Variants in LRRFIP1 observed in about 807,000 individuals in gnomAD.
LRRFIP1 encodes the protein LRR binding FLII interacting protein 1.
A neutral mutation model predicts 104.4 loss-of-function variants in LRRFIP1; 62 were observed. The observed-to-expected ratio is 0.59, with a 90% CI of 0.48 to 0.73. The LOEUF (loss-of-function observed/expected upper bound fraction) is 0.73. Among genes scored for constraint, LRRFIP1 ranks in the 30% least tolerant of loss-of-function variants. The probability of loss-of-function intolerance (pLI) is 0.00; values close to 1 mark genes in which losing one functional copy is unlikely to be tolerated. For synonymous variants in LRRFIP1, 300 were observed against 299.0 expected (o/e 1.00, Z -0.03); for missense variants, 796 against 824.5 (o/e 0.97, Z 0.42).
intron 6 of LRRFIP1, chr2:237,721,678 A>C (rs939808933): frequency 6.6e-6 from 1 of 152,146 alleles, no homozygotes; most frequent in Admixed American, 6.5e-5. Flanking sequence ...TTACTCCTTG[A>C]CTTCTTATAC....
At chr2:237,694,624 A>C (rs931742426) in intron 1 of LRRFIP1, among the ~76,000 whole-genome samples, 1 of 152,064 alleles carries the variant, frequency 6.6e-6, no homozygotes, top group African/African-American at 2.4e-5. Context: ...TGCGGAAAGG[A>C]GGGACTGGGG....
chr2:237,652,882 GTTGAATTATGATCTTTGTGTTGGGGGA>G (rs2086167560), intron 1 of LRRFIP1, among the ~76,000 whole-genome samples: 2 of 152,196 alleles, frequency 1.3e-5, no homozygotes, highest in Non-Finnish European at 2.9e-5. Flanking sequence ...CAAATCTCAT[GTTGAATTATGATCTTTGTGTTGGGGGA>G]GGAGCCTGAT....
rs906568111 is a variant in LRRFIP1, at chr2:237,779,746, G to A, written c.*214G>A. 2.4e-4 allele frequency: 108 copies of A among 453,406 alleles called. No individual in the cohort carries two copies. The highest frequency in any genetic ancestry group is 4.1e-4 in the Non-Finnish European group (101 of 247,008). The allele number at this position is 453,406 out of a possible 1,614,324, so 28.1% of individuals were successfully genotyped here. A position where few individuals can be genotyped will look rare whatever the true frequency, so the allele number is the denominator to read the frequency against. Reference sequence around the variant, plus strand: ...TGTCTGCAGACCCCTGGCCCGGGCTGGCGCCGACGCTCAGAACCTGCAGGT... The same window carrying A: ...TGTCTGCAGACCCCTGGCCCGGGCTAGCGCCGACGCTCAGAACCTGCAGGT... On this transcript the variant is annotated 3_prime_UTR_variant, in exon 24 of 24. Coordinates refer to ENST00000308482, the MANE Select transcript of LRRFIP1 (RefSeq NM_001137550.2).
chr2:237,758,447 G>C (rs1038345125), intron 17 of LRRFIP1, among the ~76,000 whole-genome samples: 1 of 152,252 alleles, frequency 6.6e-6, no homozygotes, highest in Non-Finnish European at 1.5e-5. Context: ...AAGCTAGAAA[G>C]TGATGCAAAT....
intron 6 of LRRFIP1, 95 bp from the exon 7 acceptor site, chr2:237,723,453 G>A (rs2094605991): frequency 8.3e-7 from 1 of 1,208,502 alleles, no homozygotes; most frequent in Non-Finnish European, 1.2e-6. Flanking sequence ...AGATTTTAAA[G>A]ATTGCTTGTA....
Position 237,708,540 on chromosome 2 carries a change from T to G in LRRFIP1, c.97-4T>G. On this transcript the variant is annotated splice_polypyrimidine_tract_variant and splice_region_variant and intron_variant, in intron 1 of 23. Coordinates refer to ENST00000308482, the MANE Select transcript of LRRFIP1 (RefSeq NM_001137550.2). ...CCTCTAATAAGATGCCCTGTCCGTT[T>G]CAGGCGGAAGCCCGGCTCGCTGCAA... 6.4e-7 allele frequency: 1 copy of G among 1,565,710 alleles called. No individual in the cohort carries two copies. The highest frequency in any genetic ancestry group is 8.7e-7 in the Non-Finnish European group (1 of 1,152,332).
chr2:237,638,178 G>A (rs903036219), intron 1 of LRRFIP1, among the ~76,000 whole-genome samples: 2 of 152,206 alleles, frequency 1.3e-5, no homozygotes, highest in African/African-American at 4.8e-5. Flanking sequence ...ATCAGTGGGA[G>A]CCAAGAGCTT....
Position 237,718,464 on chromosome 2 carries a change from C to T in LRRFIP1, c.249+655C>T, listed in dbSNP as rs192431060. ...GCCTGCCCCTGATGATACTCCTGTC[C>T]TTCTGGCTTTCTCAGGAAGCAGCGG... On this transcript the variant is annotated intron_variant, in intron 4 of 23. Transcript: ENST00000308482. Among the ~76,000 whole-genome samples the T allele has an allele frequency of 2.6e-4, 39 of 152,286 alleles. No homozygotes were observed. In the East Asian group the frequency reaches 6.7e-3, roughly 26 times the overall value.
In LRRFIP1 at chr2:237,760,149, C is replaced by T. The variant is rs1466516916; in HGVS notation, c.1403C>T (p.Thr468Ile). 2.5e-6 allele frequency: 4 copies of T among 1,614,000 alleles called. No homozygotes were observed. In the East Asian group the frequency reaches 8.9e-5, roughly 36 times the overall value. Residue 468 changes from threonine to isoleucine, a missense_variant, in exon 19 of 24, where the codon ACC becomes ATC. Thr to Ile is a moderately conservative substitution (Grantham distance 89). Transcript: ENST00000308482. Reference protein sequence around the residue: ...TLNNVGYQGPTKMTKEELNAL... With the variant: ...TLNNVGYQGPIKMTKEELNAL... ...AATAATGTTGGATACCAAGGTCCTA[C>T]CAAGATGACAAAAGAAGAGTTAAAT...
At chr2:237,709,844 G>A (rs73099034) in intron 2 of LRRFIP1, among the ~76,000 whole-genome samples, 2,817 of 151,824 alleles carry the variant, frequency 0.019, 79 homozygotes, top group African/African-American at 0.06. Flanking sequence ...TTTTAAATAT[G>A]TATATGTATA....
intron 1 of LRRFIP1, among the ~76,000 whole-genome samples, chr2:237,632,038 G>A (rs1219269246): frequency 6.6e-6 from 1 of 152,260 alleles, no homozygotes; most frequent in East Asian, 1.9e-4. Context: ...TGACTCGTGG[G>A]CCTGCGGGTG....
chr2:237,739,608 G>A (rs2095354104), intron 11 of LRRFIP1, among the ~76,000 whole-genome samples: 1 of 152,188 alleles, frequency 6.6e-6, no homozygotes. Flanking sequence ...TTTGCTTGAA[G>A]TGTTACCTGT....
At chr2:237,718,983 CATT>C (rs1172113414) in intron 4 of LRRFIP1, among the ~76,000 whole-genome samples, 19 of 152,186 alleles carry the variant, frequency 1.2e-4, no homozygotes, top group East Asian at 1.2e-3. Flanking sequence ...GAAGTTGTAT[CATT>C]GTTTTATATA....
At chr2:237,647,516 GC>G (rs1185540066) in intron 1 of LRRFIP1, among the ~76,000 whole-genome samples, 1 of 152,018 alleles carries the variant, frequency 6.6e-6, no homozygotes, top group Non-Finnish European at 1.5e-5. Context: ...TCAGATGGGT[GC>G]CCCCCCACCC....
At chr2:237,715,369 C>T (rs1324237149) in intron 3 of LRRFIP1, among the ~76,000 whole-genome samples, 1 of 152,122 alleles carries the variant, frequency 6.6e-6, no homozygotes, top group Non-Finnish European at 1.5e-5. Flanking sequence ...CAAGGCCAGG[C>T]GGGGAGCCCT....
chr2:237,683,723 G>C (rs968137850), intron 1 of LRRFIP1, among the ~76,000 whole-genome samples: 3 of 152,166 alleles, frequency 2.0e-5, no homozygotes, highest in Non-Finnish European at 4.4e-5. Flanking sequence ...CATTTTCTTG[G>C]AAAGATCATT....
intron 1 of LRRFIP1, among the ~76,000 whole-genome samples, chr2:237,675,337 C>T (rs1371416553): frequency 6.6e-6 from 1 of 152,240 alleles, no homozygotes; most frequent in Non-Finnish European, 1.5e-5. Flanking sequence ...CCTGACTTGG[C>T]TCTGATTGAT....
At chr2:237,774,150 C>T in intron 22 of LRRFIP1, 1 of 539,624 alleles carries the variant, frequency 1.9e-6, no homozygotes, top group South Asian at 2.3e-5. Flanking sequence ...AATGGGTCCC[C>T]ATCATGTCAG....
chr2:237,768,626 CTG>C (rs1444402403), intron 19 of LRRFIP1: 2 of 152,052 alleles, frequency 1.3e-5, no homozygotes, highest in South Asian at 4.1e-4. Context: ...AGTAATTTGA[CTG>C]TAAATTAAAA....
Sources: allele counts gnomAD v4.1 joint callset (sites outside exome capture counted in the v4.1 genomes callset), GRCh38; gene constraint gnomAD v4.1.1; transcripts MANE v1.5; gene names NCBI Gene and HGNC (gene_info 2026-07-23, HGNC 2026-07-21).